Variants in UNC79 observed in about 807,000 individuals in gnomAD.
The protein encoded by UNC79 is unc-79 subunit of NALCN channel complex.
UNC79 carries 37 observed loss-of-function variants against 283.1 expected under a neutral mutation model. That is an observed-to-expected ratio of 0.13 (90% CI 0.10 to 0.17). UNC79 has a LOEUF of 0.17. Ranked by LOEUF, UNC79 falls within the 10% of genes least tolerant of loss-of-function variation. The pLI, the probability that UNC79 is intolerant of heterozygous loss-of-function variation, is 1.00. For synonymous variants in UNC79, 1,107 were observed against 1,200.2 expected, an observed-to-expected ratio of 0.92 and a Z score of 1.61; for missense variants, 2,272 against 3,211.1, an observed-to-expected ratio of 0.71 and a Z score of 7.07.
At chr14:93,429,113 G>T (rs1282655205), upstream of UNC79, among the ~76,000 whole-genome samples, 1 of 152,108 alleles carries the variant, frequency 6.6e-6, no homozygotes, top group Non-Finnish European at 1.5e-5. Context: ...AGGCTTCCAA[G>T]AATTTTCTGA....
intron 41 of UNC79, among the ~76,000 whole-genome samples, chr14:93,673,865 G>C (rs960879266): frequency 6.6e-6 from 1 of 152,122 alleles, no homozygotes; most frequent in Non-Finnish European, 1.5e-5. Flanking sequence ...GAATCTCTGT[G>C]AGCAGAAGTA....
At chr14:93,400,407 G>A (rs1043056192) in intron 1 of UNC79, among the ~76,000 whole-genome samples, 8 of 151,436 alleles carry the variant, frequency 5.3e-5, no homozygotes, top group African/African-American at 1.7e-4. Context: ...CCCCATCCCC[G>A]AAGAGCTGAC....
chr14:93,561,457 G>A (rs115991210), intron 14 of UNC79, among the ~76,000 whole-genome samples: 4,137 of 152,194 alleles, frequency 0.027, 204 homozygotes, highest in African/African-American at 0.095. Context: ...AGGAAGTTTG[G>A]AGGTGTAGGG....
exon 49 of UNC79, chr14:93,706,872 T>C (rs1259047265): frequency 2.5e-6 from 4 of 1,614,090 alleles, no homozygotes; most frequent in Non-Finnish European, 3.4e-6. Context: ...GATCCAGTCC[T>C]CGGAAGCAGC....
intron 13 of UNC79, among the ~76,000 whole-genome samples, chr14:93,542,179 A>T (rs1333134343): frequency 6.6e-6 from 1 of 152,104 alleles, no homozygotes; most frequent in Non-Finnish European, 1.5e-5. Flanking sequence ...TGTTGACCTA[A>T]CTTTTTAGAA....
intron 14 of UNC79, among the ~76,000 whole-genome samples, chr14:93,551,073 G>A (rs1446791837): frequency 2.6e-5 from 4 of 151,802 alleles, no homozygotes; most frequent in Non-Finnish European, 5.9e-5. Flanking sequence ...AAATCGAGAC[G>A]GAGTCTCGCT....
At chr14:93,513,712 A>G (rs930650521) in intron 7 of UNC79, among the ~76,000 whole-genome samples, 5 of 152,198 alleles carry the variant, frequency 3.3e-5, no homozygotes, top group East Asian at 3.9e-4. Flanking sequence ...ATTGAAATAT[A>G]CAATACATTG....
chr14:93,485,360 C>T (rs1183402721), intron 4 of UNC79, among the ~76,000 whole-genome samples: 1 of 151,796 alleles, frequency 6.6e-6, no homozygotes, highest in African/African-American at 2.4e-5. Flanking sequence ...GGACACCTTA[C>T]TGGGCATTTT....
rs2066791918 is a variant in UNC79, at chr14:93,617,148, A to C, written c.4068A>C (p.Gly1356=). 1.2e-6 allele frequency: 2 copies of C among 1,613,342 alleles called. No homozygotes were observed. Among genetic ancestry groups the C allele is most frequent in the African/African-American group, 2.7e-5 (2 of 74,906 alleles). Residue 1356 remains glycine (G), a synonymous_variant, in exon 28 of 49, where the codon GGA becomes GGC. Coordinates refer to ENST00000555664, the Ensembl canonical transcript of UNC79. The surrounding 1 kb of genome is among the most constrained non-coding windows in gnomAD (Gnocchi z 4.5). The stretch of plus-strand genomic sequence containing the variant: ...TTATGGACTATAACATTAACTTGGG[A>C]AAACACCTTCTCCCCTTAGTGGTTC...
intron 23 of UNC79, among the ~76,000 whole-genome samples, chr14:93,594,117 C>T (rs1239726192): frequency 6.6e-6 from 1 of 152,164 alleles, no homozygotes; most frequent in Non-Finnish European, 1.5e-5. Context: ...CATGTTTACT[C>T]CCAAACAGAC....
chr14:93,655,543 G>A, intron 38 of UNC79, 136 bp downstream of exon 41: 11 of 1,040,220 alleles, frequency 1.1e-5, no homozygotes, highest in Non-Finnish European at 1.4e-5. Context: ...ATGGAGTGAG[G>A]ATGCTTATTT....
chr14:93,516,459 G>GC (rs1278950938), intron 7 of UNC79, among the ~76,000 whole-genome samples: 3 of 113,164 alleles, frequency 2.7e-5, no homozygotes, highest in Admixed American at 1.1e-4. Flanking sequence ...TTGGGGGGGG[G>GC]GGTGGGGGAT....
intron 4 of UNC79, among the ~76,000 whole-genome samples, chr14:93,485,013 CAT>C (rs1393269087): frequency 3.9e-5 from 6 of 152,128 alleles, no homozygotes; most frequent in Non-Finnish European, 7.3e-5. Flanking sequence ...TCATCTGAGA[CAT>C]GTGGGCATCT....
chr14:93,489,466 A>G (rs1042774553), intron 5 of UNC79, among the ~76,000 whole-genome samples: 2 of 152,218 alleles, frequency 1.3e-5, no homozygotes, highest in Admixed American at 1.3e-4. Context: ...AAATCAAACA[A>G]GTTATATGCC....
intron 1 of UNC79, among the ~76,000 whole-genome samples, chr14:93,376,833 A>C (rs367643626): frequency 6.7e-6 from 1 of 150,230 alleles, no homozygotes; most frequent in East Asian, 1.9e-4. Flanking sequence ...GCCTCAGGTC[A>C]ATCAATGGCT....
intron 12 of UNC79, among the ~76,000 whole-genome samples, chr14:93,539,698 G>C (rs1266342727): frequency 6.6e-6 from 1 of 152,070 alleles, no homozygotes; most frequent in Admixed American, 6.6e-5. Context: ...CAGCCATACT[G>C]ATGATGATGT....
intron 7 of UNC79, among the ~76,000 whole-genome samples, chr14:93,500,866 A>G (rs1373180185): frequency 6.6e-6 from 1 of 152,266 alleles, no homozygotes; most frequent in Admixed American, 6.5e-5. Flanking sequence ...ACTGCAAGAC[A>G]TACCAAAGAG....
exon 20 of UNC79, chr14:93,582,226 T>C (rs907452568): frequency 1.2e-6 from 2 of 1,614,008 alleles, no homozygotes; most frequent in African/African-American, 2.7e-5. Context: ...GCCTGGAGGA[T>C]AGCCTCCTTT....
At chr14:93,683,510 A>G (rs2074004850) in intron 42 of UNC79, among the ~76,000 whole-genome samples, 1 of 152,214 alleles carries the variant, frequency 6.6e-6, no homozygotes, top group Non-Finnish European at 1.5e-5. Flanking sequence ...AAGGAAGAAG[A>G]CAGACCTGGG....
Sources: gnomAD v4.1 joint callset for allele counts (sites outside exome capture counted in the v4.1 genomes callset) on GRCh38, gnomAD v4.1.1 for gene constraint, Gnocchi (gnomAD v3.1) non-coding constraint, MANE v1.5 for transcripts, NCBI Gene and HGNC (gene_info 2026-07-23, HGNC 2026-07-21) for gene names.